Variants in TMOD1 observed in about 807,000 individuals in gnomAD.
TMOD1 encodes tropomodulin-1.
A neutral mutation model predicts 40.6 loss-of-function variants in TMOD1; 17 were observed. The observed-to-expected ratio is 0.42, with a 90% CI of 0.29 to 0.63. The LOEUF is 0.63. Among genes scored for constraint, TMOD1 ranks in the 20% least tolerant of loss-of-function variants. The pLI, the probability that TMOD1 is intolerant of heterozygous loss-of-function variation, is 0.22. For missense variants in TMOD1, 391 were observed against 447.6 expected, an observed-to-expected ratio of 0.87 and a Z score of 1.14; for synonymous variants, 181 against 175.0, an observed-to-expected ratio of 1.03 and a Z score of -0.27.
At chr9:97,508,800 T>C (rs1292990890) in intron 1 of TMOD1, among the ~76,000 whole-genome samples, 2 of 152,296 alleles carry the variant, frequency 1.3e-5, no homozygotes, top group African/African-American at 2.4e-5. Flanking sequence ...TCTGGAAATA[T>C]GGTCTTTACA....
In TMOD1 at chr9:97,559,771, T is replaced by TAAAAAAAAAA. The variant is rs1830589569; in HGVS notation, c.398-2961_398-2960insAAAAAAAAAA. Reference sequence around the variant, plus strand: ...CAGAGCGAGACTCCGCCTCAAAAATTTAAAAAAAAAAAAAAAAAAAAAAAT... The same window carrying TAAAAAAAAAA: ...CAGAGCGAGACTCCGCCTCAAAAATTAAAAAAAAAATAAAAAAAAAAAAAAAAAAAAAAAT... On this transcript the variant is annotated intron_variant, in intron 4 of 9. Transcript: ENST00000259365. Among the ~76,000 whole-genome samples the TAAAAAAAAAA allele has an allele frequency of 4.4e-4, 28 of 63,322 alleles. 1 individual carries two copies. In the Admixed American group the frequency reaches 4.4e-3, roughly 10 times the overall value. The allele number at this position is 63,322 out of a possible 152,430, so 41.5% of individuals were successfully genotyped here. A position where few individuals can be genotyped will look rare whatever the true frequency, so the allele number is the denominator to read the frequency against.
rs1830358667 is a variant in TMOD1, at chr9:97,546,247, C to T, written c.183C>T (p.Pro61=). 1 of 1,614,090 alleles carries T rather than the reference C, an allele frequency of 6.2e-7. No homozygotes were observed. Among genetic ancestry groups the T allele is most frequent in the Admixed American group, 1.7e-5 (1 of 60,018 alleles). The part of the protein sequence containing the change: ...KDQTTKAPTG[P]FKREELLDHL... ...AGACCACCAAGGCGCCCACGGGCCCCTTTAAAAGAGAGGAGCTCTTGGATC... is the reference window on the plus strand; with the variant it reads ...AGACCACCAAGGCGCCCACGGGCCCTTTTAAAAGAGAGGAGCTCTTGGATC... The change falls in exon 3 of 10, where the codon CCC becomes CCT. Residue 61 remains proline, a synonymous_variant. Transcript: ENST00000259365.
chr9:97,543,428 A>G (rs935013721), intron 2 of TMOD1, among the ~76,000 whole-genome samples: 1 of 152,258 alleles, frequency 6.6e-6, no homozygotes, highest in Admixed American at 6.5e-5. Context: ...AGAAGGGATC[A>G]TAAGTAATAA....
chr9:97,558,822 G>A (rs1306044393), intron 4 of TMOD1, among the ~76,000 whole-genome samples: 1 of 152,214 alleles, frequency 6.6e-6, no homozygotes, highest in African/African-American at 2.4e-5. Context: ...GGGTAGGTAA[G>A]AGATCAGTTT....
intron 9 of TMOD1, among the ~76,000 whole-genome samples, chr9:97,598,517 A>G (rs900310869): frequency 6.6e-6 from 1 of 152,152 alleles, no homozygotes; most frequent in Non-Finnish European, 1.5e-5. Flanking sequence ...CTGCACAGCT[A>G]CTATGGAGAT....
chr9:97,555,722 C>T (rs1165880524), intron 4 of TMOD1: 3 of 1,523,842 alleles, frequency 2.0e-6, no homozygotes, highest in Non-Finnish European at 2.7e-6. Flanking sequence ...GTGAGTTGCT[C>T]TCAAGACCTT....
At chr9:97,514,275 CTTTTTTT>C (rs71369513) in intron 1 of TMOD1, among the ~76,000 whole-genome samples, 2 of 121,808 alleles carry the variant, frequency 1.6e-5, no homozygotes, top group Non-Finnish European at 3.4e-5. Flanking sequence ...TTTTCTTTTT[CTTTTTTT>C]TTTTTTTGTA....
chr9:97,586,872 G>A (rs999133828), intron 8 of TMOD1, among the ~76,000 whole-genome samples: 5 of 152,276 alleles, frequency 3.3e-5, no homozygotes, highest in Non-Finnish European at 5.9e-5. Flanking sequence ...GCTCGCGCAC[G>A]GTGCACGCAC....
chr9:97,512,131 C>G (rs1399620681), intron 1 of TMOD1, among the ~76,000 whole-genome samples: 1 of 152,122 alleles, frequency 6.6e-6, no homozygotes, highest in Non-Finnish European at 1.5e-5. Flanking sequence ...AAGAGAAGGC[C>G]TAATTCACAG....
At chr9:97,531,037 A>ACCC (rs1285892432) in intron 2 of TMOD1, among the ~76,000 whole-genome samples, 5 of 92,324 alleles carry the variant, frequency 5.4e-5, no homozygotes, top group Non-Finnish European at 1.0e-4. Flanking sequence ...ATCCACACCC[A>ACCC]CCCCCCCCAC....
At position 97,506,588 on chromosome 9, in the gene TMOD1, A is replaced by G. The variant is rs939037495; in HGVS notation, c.-49+4785A>G. 3.3e-5 allele frequency among the ~76,000 whole-genome samples: 5 copies of G among 152,212 alleles called. No homozygotes were observed. The East Asian group carries it at 9.6e-4, about 29-fold the overall frequency. ...CCCCACTGCCAGCTCTCCAGCTCCTATCAGCCCCATCATGATACGTAGCTA... is the reference window on the plus strand; with the variant it reads ...CCCCACTGCCAGCTCTCCAGCTCCTGTCAGCCCCATCATGATACGTAGCTA... On this transcript the variant is annotated intron_variant, in intron 1 of 9. Transcript: ENST00000259365.
At chr9:97,550,905 T>C (rs1288981218) in intron 3 of TMOD1, among the ~76,000 whole-genome samples, 1 of 151,134 alleles carries the variant, frequency 6.6e-6, no homozygotes, top group African/African-American at 2.4e-5. Context: ...TTTTCTTTTG[T>C]TGCTCGTGTT....
chr9:97,561,374 T>C (rs1190076393), intron 4 of TMOD1, among the ~76,000 whole-genome samples: 1 of 152,078 alleles, frequency 6.6e-6, no homozygotes, highest in Non-Finnish European at 1.5e-5. Flanking sequence ...CAGGCAATGG[T>C]TCTCAACCTT....
At chr9:97,565,025 G>C (rs1830706107) in intron 6 of TMOD1, among the ~76,000 whole-genome samples, 1 of 152,234 alleles carries the variant, frequency 6.6e-6, no homozygotes, top group Non-Finnish European at 1.5e-5. Context: ...TCCCATGGGA[G>C]CTAAAGTGAC....
intron 2 of TMOD1, among the ~76,000 whole-genome samples, chr9:97,525,513 T>G (rs1392704523): frequency 1.3e-5 from 2 of 152,372 alleles, no homozygotes; most frequent in East Asian, 3.9e-4. Context: ...AGCAAGCACC[T>G]CAGCTGGTTG....
intron 4 of TMOD1, among the ~76,000 whole-genome samples, chr9:97,559,616 T>G (rs1228714861): frequency 6.7e-6 from 1 of 150,314 alleles, no homozygotes; most frequent in Non-Finnish European, 1.5e-5. Context: ...AATACAAAAA[T>G]TAGCTGGACG....
intron 9 of TMOD1, among the ~76,000 whole-genome samples, chr9:97,595,115 T>C (rs1335427460): frequency 6.6e-6 from 1 of 152,216 alleles, no homozygotes; most frequent in Non-Finnish European, 1.5e-5. Context: ...CAATTGACAA[T>C]TTGTAATTGT....
intron 3 of TMOD1, among the ~76,000 whole-genome samples, chr9:97,548,241 G>A (rs1830394973): frequency 6.6e-6 from 1 of 152,102 alleles, no homozygotes. Flanking sequence ...AGTTGTATTT[G>A]CACAATGCCC....
intron 8 of TMOD1, among the ~76,000 whole-genome samples, chr9:97,582,385 C>T (rs1337262860): frequency 1.4e-5 from 2 of 147,992 alleles, no homozygotes; most frequent in African/African-American, 5.1e-5. Context: ...CAGTACCATG[C>T]TGTTTTGGTT....
Sources: gnomAD v4.1 joint callset for allele counts (sites outside exome capture counted in the v4.1 genomes callset) on GRCh38, gnomAD v4.1.1 for gene constraint, MANE v1.5 for transcripts, NCBI Gene and HGNC (gene_info 2026-07-23, HGNC 2026-07-21) for gene names.